EPHB2: variants seen among roughly 807,000 people sequenced by gnomAD.
EPHB2 encodes the protein EPH receptor B2.
In EPHB2, 18 loss-of-function variants were observed where a neutral mutation model predicts 96.4. The observed-to-expected ratio is 0.19, with a 90% confidence interval of 0.13 to 0.28. The LOEUF is 0.28. EPHB2 is among the 10% of genes least tolerant of loss of function. EPHB2 has a pLI of 1.00. For synonymous variants in EPHB2, 506 were observed against 534.1 expected (o/e 0.95, Z 0.72); for missense variants, 989 against 1,355.4 (o/e 0.73, Z 4.25).
intron 1 of EPHB2, among the ~76,000 whole-genome samples, chr1:22,758,842 G>A (rs1411158513): frequency 4.6e-5 from 7 of 151,088 alleles, no homozygotes; most frequent in Non-Finnish European, 1.0e-4. Context: ...TACCTATTGG[G>A]GGCCCAGCCA....
At chr1:22,876,333 G>C (rs1007797131) in intron 5 of EPHB2, among the ~76,000 whole-genome samples, 1 of 152,146 alleles carries the variant, frequency 6.6e-6, no homozygotes, top group Admixed American at 6.5e-5. Flanking sequence ...CTGGCTTCCT[G>C]TCCTGTCCTG....
intron 9 of EPHB2, among the ~76,000 whole-genome samples, chr1:22,904,013 C>T (rs1459759201): frequency 1.3e-5 from 2 of 152,148 alleles, no homozygotes; most frequent in Non-Finnish European, 2.9e-5. Flanking sequence ...TCAGGCCAGG[C>T]GCGGTGGCTC....
chr1:22,814,992 G>A (rs949765879), intron 3 of EPHB2, among the ~76,000 whole-genome samples: 1 of 152,244 alleles, frequency 6.6e-6, no homozygotes, highest in African/African-American at 2.4e-5. Context: ...ATGGCCACGC[G>A]TGAAGGCTGC....
intron 3 of EPHB2, among the ~76,000 whole-genome samples, chr1:22,843,502 C>G (rs1160946388): frequency 6.6e-6 from 1 of 152,138 alleles, no homozygotes; most frequent in African/African-American, 2.4e-5. Flanking sequence ...CTCCCACCCT[C>G]CACCCTCAAG....
Position 22,865,076 on chromosome 1 carries a change from C to A in EPHB2, c.1167C>A (p.Thr389=), listed in dbSNP as rs529601879. ...VQYAPRQLGL[T]EPRIYISDLL... ...ACGCACCACGCCAGCTAGGCCTGAC[C>A]GAGCCACGCATTTACATCAGTGACC... Residue 389 remains threonine (T), a synonymous_variant, in exon 5 of 16, where the codon ACC becomes ACA. Coordinates refer to ENST00000374630, the MANE Select transcript of EPHB2 (RefSeq NM_017449.5). 6.2e-7 allele frequency: 1 copy of A among 1,614,196 alleles called. No homozygotes were observed. The highest frequency in any genetic ancestry group is 8.5e-7 in the Non-Finnish European group (1 of 1,180,036).
At chr1:22,785,097 C>T (rs374051319) in intron 3 of EPHB2, 21 bp downstream of exon 3, 19 of 1,612,950 alleles carry the variant, frequency 1.2e-5, no homozygotes, top group South Asian at 2.2e-5. Context: ...GGGTGGGGCA[C>T]GTGCCCCTGC....
At chr1:22,729,097 G>A (rs570673623) in intron 1 of EPHB2, among the ~76,000 whole-genome samples, 155 of 152,292 alleles carry the variant, frequency 1.0e-3, no homozygotes, top group Non-Finnish European at 1.7e-3. Context: ...AGGATCACAG[G>A]GGGAGCTACA....
At chr1:22,805,385 G>A (rs981681974) in intron 3 of EPHB2, among the ~76,000 whole-genome samples, 2 of 152,176 alleles carry the variant, frequency 1.3e-5, no homozygotes, top group Non-Finnish European at 2.9e-5. Context: ...AGTGGGCTGA[G>A]ATAAATGTCT....
intron 9 of EPHB2, among the ~76,000 whole-genome samples, chr1:22,900,608 C>T (rs1292433665): frequency 6.6e-6 from 1 of 152,044 alleles, no homozygotes; most frequent in African/African-American, 2.4e-5. Context: ...TCCCATGCTC[C>T]GTCTCCTGGA....
intron 1 of EPHB2, among the ~76,000 whole-genome samples, chr1:22,732,174 T>C (rs1220174126): frequency 1.3e-5 from 2 of 152,140 alleles, no homozygotes. Context: ...AGGGCCTGCC[T>C]CCCAGAGTGA....
Position 22,879,097 on chromosome 1 carries a change from C to A in EPHB2, c.1304-3262C>A, listed in dbSNP as rs141399777. On this transcript the variant is annotated intron_variant, in intron 5 of 15. Transcript: ENST00000374630. ...ACCCAGCCTCTCACCCCAGAACTGT[C>A]CTCAGGCCCCTGGAGGCAGGGGTGG... is the stretch of plus-strand genomic sequence containing the variant. Among the ~76,000 whole-genome samples the A allele has an allele frequency of 3.4e-3, 521 of 152,318 alleles. 4 individuals are homozygous for A. Among genetic ancestry groups the A allele is most frequent in the African/African-American group, 0.012 (506 of 41,560 alleles).
At chr1:22,793,020 G>A (rs1422401743) in intron 3 of EPHB2, among the ~76,000 whole-genome samples, 1 of 152,172 alleles carries the variant, frequency 6.6e-6, no homozygotes, top group African/African-American at 2.4e-5. Context: ...AGGAGGAGGT[G>A]GAAAGGCCTG....
At position 22,909,121 on chromosome 1, in the gene EPHB2, G is replaced by C. The variant is rs1372617391; in HGVS notation, c.2452G>C (p.Glu818Gln). The C allele has an allele frequency of 6.2e-7, 1 of 1,614,090 alleles. No homozygotes were observed. Among genetic ancestry groups the C allele is most frequent in the Non-Finnish European group, 8.5e-7 (1 of 1,180,050 alleles). Residue 818 changes from glutamate to glutamine, a missense_variant, in exon 13 of 16, where the codon GAG becomes CAG. Coordinates refer to ENST00000374630, the MANE Select transcript of EPHB2 (RefSeq NM_017449.5). ...DVWSYGIVMW[E>Q]VMSYGERPYW... ...GTGGAGCTACGGCATTGTCATGTGG[G>C]AGGTGATGTCCTATGGGGAGCGGCC...
At chr1:22,756,774 T>TTTCTCCTC (rs1398618420) in intron 1 of EPHB2, among the ~76,000 whole-genome samples, 4 of 151,840 alleles carry the variant, frequency 2.6e-5, no homozygotes, top group African/African-American at 9.7e-5. Context: ...GAGGGGTGAG[T>TTTCTCCTC]AGAGAGAGGC....
intron 3 of EPHB2, among the ~76,000 whole-genome samples, chr1:22,853,248 G>C (rs778373067): frequency 1.3e-5 from 2 of 152,236 alleles, no homozygotes; most frequent in Admixed American, 6.5e-5. Context: ...AGCTACTCAG[G>C]AGGCTGAGCC....
intron 3 of EPHB2, among the ~76,000 whole-genome samples, chr1:22,805,970 G>T (rs1414634503): frequency 2.0e-5 from 3 of 152,142 alleles, no homozygotes; most frequent in Admixed American, 6.5e-5. Flanking sequence ...ATCCATGCCC[G>T]CAGAGCCCTC....
intron 6 of EPHB2, among the ~76,000 whole-genome samples, chr1:22,884,934 A>T (rs309479): frequency 0.48 from 73,507 of 152,060 alleles, 18,157 homozygotes; most frequent in Non-Finnish European, 0.51. Flanking sequence ...TTGAGCTAGA[A>T]AGTAAGTTCC....
rs922419064 is a variant in EPHB2 at position 22,859,299 on chromosome 1, G to C, written c.812-3738G>C. On this transcript the variant is annotated intron_variant, in intron 3 of 15. Coordinates refer to ENST00000374630, the MANE Select transcript of EPHB2 (RefSeq NM_017449.5). Reference sequence around the variant, plus strand: ...CCAGGGGTGTGGGGTGGGCCTGGTGGGGGGGGGGGTATTGTACCTAGGTGA... The same window carrying C: ...CCAGGGGTGTGGGGTGGGCCTGGTGCGGGGGGGGGTATTGTACCTAGGTGA... Among the ~76,000 whole-genome samples the C allele has an allele frequency of 1.6e-3, 227 of 144,534 alleles. 8 individuals are homozygous for C. The highest frequency in any genetic ancestry group is 5.6e-3 in the African/African-American group (214 of 38,526). 94.8% of individuals were successfully genotyped at this position (144,534 alleles called of 152,430 possible). A position where few individuals can be genotyped will look rare whatever the true frequency, so the allele number is the denominator to read the frequency against.
intron 3 of EPHB2, among the ~76,000 whole-genome samples, chr1:22,861,165 T>C (rs1037942106): frequency 6.6e-6 from 1 of 152,236 alleles, no homozygotes; most frequent in Non-Finnish European, 1.5e-5. Flanking sequence ...AGGAGGTAGA[T>C]ACTGTTGTCC....
Sources: allele counts gnomAD v4.1 joint callset (sites outside exome capture counted in the v4.1 genomes callset), GRCh38; gene constraint gnomAD v4.1.1; transcripts MANE v1.5; gene names NCBI Gene and HGNC (gene_info 2026-07-23, HGNC 2026-07-21).